ADRA1B: variants seen among roughly 807,000 people sequenced by gnomAD.
ADRA1B encodes alpha-1B adrenergic receptor.
ADRA1B carries 17 observed loss-of-function variants against 17.9 expected under a neutral mutation model. That is an observed-to-expected ratio of 0.95 (90% confidence interval 0.65 to 1.42). ADRA1B has a LOEUF of 1.42. ADRA1B is among the 40% of genes most tolerant of loss of function. The pLI, the probability that ADRA1B is intolerant of heterozygous loss-of-function variation, is 0.00. For missense variants in ADRA1B, 681 were observed against 722.1 expected, an observed-to-expected ratio of 0.94 and a Z score of 0.65; for synonymous variants, 366 against 327.6, an observed-to-expected ratio of 1.12 and a Z score of -1.27.
At chr5:159,939,323 G>GCA (rs1491544182) in intron 1 of ADRA1B, among the ~76,000 whole-genome samples, 11 of 116,968 alleles carry the variant, frequency 9.4e-5, no homozygotes, top group Admixed American at 7.6e-4. Context: ...GTGTGTGTGT[G>GCA]CGCGCGCGCG....
chr5:159,930,011 T>C (rs1195988731), intron 1 of ADRA1B, among the ~76,000 whole-genome samples: 1 of 152,232 alleles, frequency 6.6e-6, no homozygotes, highest in African/African-American at 2.4e-5. Context: ...CATTTTTCAC[T>C]CAACAGCATA....
intron 1 of ADRA1B, among the ~76,000 whole-genome samples, chr5:159,879,458 G>T (rs1483904045): frequency 6.6e-6 from 1 of 152,212 alleles, no homozygotes; most frequent in Non-Finnish European, 1.5e-5. Context: ...CTCTCCAGCA[G>T]CCAGGACTAT....
At chr5:159,959,569 T>C (rs889372794) in intron 1 of ADRA1B, among the ~76,000 whole-genome samples, 4 of 152,218 alleles carry the variant, frequency 2.6e-5, no homozygotes, top group Non-Finnish European at 5.9e-5. Flanking sequence ...ATCTGGGGAC[T>C]GTGTACTTCC....
chr5:159,978,474 C>T, the ADRA1B span, among the ~76,000 whole-genome samples: 1 of 152,154 alleles, frequency 6.6e-6, no homozygotes, highest in African/African-American at 2.4e-5. Context: ...CCCTTGTGCT[C>T]CTAAGTGGGG....
intron 1 of ADRA1B, among the ~76,000 whole-genome samples, chr5:159,945,881 G>A (rs1755258036): frequency 6.6e-6 from 1 of 151,934 alleles, no homozygotes; most frequent in African/African-American, 2.4e-5. Flanking sequence ...CCAAGTAGCT[G>A]GGACTACAGG....
chr5:159,866,805 A>T (rs534552965), intron 1 of ADRA1B: 1 of 152,280 alleles, frequency 6.6e-6, no homozygotes, highest in Admixed American at 6.5e-5. Context: ...AACACTCTTA[A>T]CAGCACTCTA....
chr5:159,893,365 G>A (rs1312966952), intron 1 of ADRA1B, among the ~76,000 whole-genome samples: 2 of 29,014 alleles, frequency 6.9e-5, no homozygotes, highest in Non-Finnish European at 1.6e-4. Flanking sequence ...ATGAGCTTAT[G>A]CCCAGTGCCT....
At chr5:159,917,958 T>A in intron 1 of ADRA1B, 104 bp downstream of exon 1, 2 of 1,008,404 alleles carry the variant, frequency 2.0e-6, no homozygotes, top group Non-Finnish European at 3.0e-6. Flanking sequence ...TTATGCAGTC[T>A]GTGCGTGTTC....
intron 1 of ADRA1B, among the ~76,000 whole-genome samples, chr5:159,969,270 C>G (rs1755826292): frequency 6.6e-6 from 1 of 152,210 alleles, no homozygotes; most frequent in Non-Finnish European, 1.5e-5. Context: ...AGTTGAACTC[C>G]TGGCTGACTT....
intron 1 of ADRA1B, among the ~76,000 whole-genome samples, chr5:159,971,338 G>T (rs149691003): frequency 2.6e-5 from 4 of 152,154 alleles, no homozygotes; most frequent in African/African-American, 9.6e-5. Context: ...TCGTCCTTTT[G>T]AAGTATTGTT....
Position 159,972,070 on chromosome 5 carries a change from C to T in ADRA1B, c.1141C>T (p.Leu381=). ...CCGCCGACGCCGCCGCCGCCGTCGCCTGGGCGGCTGCGCCTACACCTACCG... is the reference window on the plus strand; with the variant it reads ...CCGCCGACGCCGCCGCCGCCGTCGCTTGGGCGGCTGCGCCTACACCTACCG... ...GRRRRRRRRR[L]GGCAYTYRPW... is the part of the protein sequence containing the mutation. Residue 381 remains leucine (L), a synonymous_variant, in exon 2 of 2, where the codon CTG becomes TTG. Transcript: ENST00000306675. The T allele has an allele frequency of 7.7e-7, 1 of 1,301,514 alleles. No individual in the cohort carries two copies. Among genetic ancestry groups the T allele is most frequent in the Non-Finnish European group, 9.8e-7 (1 of 1,025,128 alleles). 80.6% of individuals were successfully genotyped at this position (1,301,514 alleles called of 1,614,324 possible). A position where few individuals can be genotyped will look rare whatever the true frequency, so the allele number is the denominator to read the frequency against.
chr5:159,974,438 C>T (rs905980430), downstream of ADRA1B, among the ~76,000 whole-genome samples: 3 of 152,154 alleles, frequency 2.0e-5, no homozygotes. Context: ...AGTTCAAGAC[C>T]AGCCTGGCCA....
upstream of ADRA1B, among the ~76,000 whole-genome samples, chr5:159,911,590 G>A (rs748087542): frequency 2.2e-4 from 34 of 151,840 alleles, no homozygotes; most frequent in Non-Finnish European, 4.3e-4. Context: ...CTGTATGACT[G>A]GCAGTTCTGG....
intron 1 of ADRA1B, among the ~76,000 whole-genome samples, chr5:159,936,035 T>C (rs1459918525): frequency 6.6e-6 from 1 of 152,244 alleles, no homozygotes; most frequent in Non-Finnish European, 1.5e-5. Flanking sequence ...AACAGCTAAT[T>C]TTGTTGGGTG....
At chr5:159,940,488 C>T (rs564594889) in intron 1 of ADRA1B, among the ~76,000 whole-genome samples, 1 of 152,240 alleles carries the variant, frequency 6.6e-6, no homozygotes, top group East Asian at 1.9e-4. Flanking sequence ...CATCCACTGC[C>T]CCCAACCCTG....
chr5:159,929,193 T>G (rs1377397121), intron 1 of ADRA1B: 1 of 152,140 alleles, frequency 6.6e-6, no homozygotes, highest in Non-Finnish European at 1.5e-5. Flanking sequence ...ACAAATTTAT[T>G]ATAGAGTAAA....
chr5:159,887,633 T>C (rs1038014526), intron 1 of ADRA1B, among the ~76,000 whole-genome samples: 5 of 152,102 alleles, frequency 3.3e-5, no homozygotes. Context: ...TGCATCGGCA[T>C]CATATTTGGT....
chr5:159,950,522 G>A (rs780395622), intron 1 of ADRA1B: 88 of 1,519,318 alleles, frequency 5.8e-5, no homozygotes, highest in Non-Finnish European at 7.6e-5. Context: ...TGGGCCATGA[G>A]GTCCACCACC....
intron 1 of ADRA1B, among the ~76,000 whole-genome samples, chr5:159,876,904 G>A (rs1018358717): frequency 7.9e-5 from 12 of 152,174 alleles, no homozygotes; most frequent in African/African-American, 2.7e-4. Context: ...GGGGCCTGGC[G>A]CTTGTGTTTC....
Sources: allele counts gnomAD v4.1 joint callset (sites outside exome capture counted in the v4.1 genomes callset), GRCh38; gene constraint gnomAD v4.1.1; transcripts MANE v1.5; gene names NCBI Gene and HGNC (gene_info 2026-07-23, HGNC 2026-07-21).